Variants in KIF16B observed in about 807,000 individuals in gnomAD.
KIF16B encodes the protein kinesin-like protein KIF16B.
KIF16B carries 98 observed loss-of-function variants against 156.3 expected under a neutral mutation model. The observed-to-expected ratio is 0.63, with a 90% CI of 0.53 to 0.74. The LOEUF is 0.74. KIF16B is among the 30% of genes least tolerant of loss of function. The pLI is 0.00. For missense variants in KIF16B, 1,421 were observed against 1,606.5 expected, an observed-to-expected ratio of 0.88 and a Z score of 1.97; for synonymous variants, 564 against 583.7, an observed-to-expected ratio of 0.97 and a Z score of 0.49.
chr20:16,520,063 G>A (rs2069284356), intron 3 of KIF16B, among the ~76,000 whole-genome samples: 2 of 151,982 alleles, frequency 1.3e-5, no homozygotes, highest in Non-Finnish European at 2.9e-5. Context: ...ACACCACCAG[G>A]GTCCTGGGTT....
rs141333019 is a variant in KIF16B, at chr20:16,379,344, C to T, written c.2658G>A (p.Thr886=). The change falls in exon 19 of 26, where the codon ACG becomes ACA. Residue 886 remains threonine (T), a synonymous_variant. Transcript: ENST00000354981. ...TTTTCTCGAAATCTTGAGGCACTTC[C>T]GTGACATCTGTGACACTCTCATCAT... ...EKHDESVTDV[T]EVPQDFEKIK... The T allele has an allele frequency of 3.9e-5, 62 of 1,605,512 alleles. No individual in the cohort carries two copies. Among genetic ancestry groups the T allele is most frequent in the African/African-American group, 1.5e-4 (11 of 74,324 alleles).
chr20:16,444,230 T>C (rs972009278), intron 12 of KIF16B, among the ~76,000 whole-genome samples: 1 of 152,248 alleles, frequency 6.6e-6, no homozygotes, highest in African/African-American at 2.4e-5. Context: ...AGTGAAATAA[T>C]ATCCACATCA....
intron 1 of KIF16B, among the ~76,000 whole-genome samples, chr20:16,565,367 G>A (rs569912090): frequency 2.6e-5 from 4 of 152,070 alleles, no homozygotes; most frequent in African/African-American, 9.7e-5. Context: ...ACCTTCATGA[G>A]AGAATGAAAA....
At chr20:16,367,151 G>A in intron 22 of KIF16B, 1 of 1,593,250 alleles carries the variant, frequency 6.3e-7, no homozygotes, top group Non-Finnish European at 8.5e-7. Flanking sequence ...CCTCCTTAGA[G>A]TCTTGTCAAA....
intron 12 of KIF16B, among the ~76,000 whole-genome samples, chr20:16,459,015 T>C (rs1371203293): frequency 6.6e-6 from 1 of 152,238 alleles, no homozygotes; most frequent in Non-Finnish European, 1.5e-5. Context: ...CCAAGTCTTT[T>C]AGAACTTGCA....
intron 12 of KIF16B, among the ~76,000 whole-genome samples, chr20:16,475,722 C>A (rs1463140159): frequency 2.0e-5 from 3 of 152,104 alleles, no homozygotes; most frequent in African/African-American, 7.2e-5. Context: ...AATGATATTA[C>A]AAGAAAAGTC....
intron 15 of KIF16B, among the ~76,000 whole-genome samples, chr20:16,415,990 G>A (rs2066077316): frequency 6.6e-6 from 1 of 152,140 alleles, no homozygotes; most frequent in South Asian, 2.1e-4. Context: ...TTATTCATAT[G>A]TTTCTTGACT....
At chr20:16,295,730 T>C (rs1406373274) in intron 25 of KIF16B, among the ~76,000 whole-genome samples, 1 of 152,142 alleles carries the variant, frequency 6.6e-6, no homozygotes, top group Non-Finnish European at 1.5e-5. Context: ...TCATGGGCCA[T>C]CCATTTATTT....
chr20:16,528,525 T>A (rs1440040613), intron 1 of KIF16B, 85 bp from the exon 2 acceptor site: 2 of 1,021,048 alleles, frequency 2.0e-6, no homozygotes, highest in African/African-American at 3.2e-5. Flanking sequence ...TTTTATTTAC[T>A]TTTTACGTTA....
In KIF16B at chr20:16,515,755, T is replaced by G. The variant is rs191961756; in HGVS notation, c.232-91A>C. On this transcript the variant is annotated intron_variant, in intron 3 of 25. Coordinates refer to ENST00000354981, the MANE Select transcript of KIF16B (RefSeq NM_024704.5). ...GTTGACAATGTTCTTGAATGATACTTTCAGCTCTTAAGGATTAGACCATAT... is the reference window on the plus strand; with the variant it reads ...GTTGACAATGTTCTTGAATGATACTGTCAGCTCTTAAGGATTAGACCATAT... 341 of 717,292 alleles carry G rather than the reference T, an allele frequency of 4.8e-4. 3 individuals are homozygous for G. The East Asian group carries it at 8.1e-3, about 17-fold the overall frequency. 44.4% of individuals were successfully genotyped at this position (717,292 alleles called of 1,614,324 possible).
At chr20:16,400,787 A>G (rs1208109202) in intron 17 of KIF16B, among the ~76,000 whole-genome samples, 5 of 152,220 alleles carry the variant, frequency 3.3e-5, no homozygotes, top group Non-Finnish European at 5.9e-5. Flanking sequence ...CAGTGATTCT[A>G]CTTAAGTGGT....
At chr20:16,566,564 G>A (rs903685830) in intron 1 of KIF16B, among the ~76,000 whole-genome samples, 26 of 152,178 alleles carry the variant, frequency 1.7e-4, no homozygotes, top group Non-Finnish European at 2.9e-4. Flanking sequence ...AGCACTGTAC[G>A]AAATGCTACC....
intron 5 of KIF16B, among the ~76,000 whole-genome samples, chr20:16,512,159 G>A (rs2068975306): frequency 2.0e-5 from 3 of 151,404 alleles, no homozygotes; most frequent in Admixed American, 1.3e-4. Flanking sequence ...AAAAAAAAAA[G>A]GAAGGTACAT....
At chr20:16,497,516 A>G in intron 11 of KIF16B, 97 bp downstream of exon 11, 1 of 931,458 alleles carries the variant, frequency 1.1e-6, no homozygotes, top group East Asian at 2.6e-5. Flanking sequence ...GCAATAAAGA[A>G]AAAGAAGGCA....
chr20:16,557,325 G>T (rs138842582), intron 1 of KIF16B, among the ~76,000 whole-genome samples: 1 of 151,834 alleles, frequency 6.6e-6, no homozygotes, highest in African/African-American at 2.4e-5. Context: ...GATTACAGGC[G>T]CCTGCTACTA....
Position 16,332,953 on chromosome 20 carries a change from C to T in KIF16B, c.3711+2973G>A, listed in dbSNP as rs538591367. Among the ~76,000 whole-genome samples the T allele has an allele frequency of 4.1e-4, 63 of 152,254 alleles. 2 individuals carry two copies. In the South Asian group the frequency reaches 0.012, roughly 30 times the overall value. On this transcript the variant is annotated intron_variant, in intron 24 of 25. Transcript: ENST00000354981. The stretch of plus-strand genomic sequence containing the variant: ...GGATTTGAGCTCTCTAGCACCCCAA[C>T]CATCCATACTCGGTATGGCCATTAA...
intron 15 of KIF16B, among the ~76,000 whole-genome samples, chr20:16,410,840 T>C (rs928749310): frequency 6.6e-6 from 1 of 152,272 alleles, no homozygotes; most frequent in Admixed American, 6.5e-5. Flanking sequence ...CAATTTTACA[T>C]TTACGCATGC....
intron 23 of KIF16B, among the ~76,000 whole-genome samples, chr20:16,352,514 A>C (rs1327851067): frequency 1.3e-5 from 2 of 152,034 alleles, no homozygotes; most frequent in Non-Finnish European, 2.9e-5. Flanking sequence ...GCATCTGGGA[A>C]CCCCCGTTGA....
At position 16,379,174 on chromosome 20, in the gene KIF16B, T is replaced by A. The variant is rs1234099079; in HGVS notation, c.2828A>T (p.Tyr943Phe). ...TTCTTCCATTTCCTTTTCTACTTGA[T>A]AAAGAGTGTTGTCTAAGCTGAGAGG... The part of the protein sequence containing the change: ...RGPLSLDNTL[Y>F]QVEKEMEEKE... The change falls in exon 19 of 26, where the codon TAT becomes TTT. Residue 943 changes from tyrosine (Y) to phenylalanine (F), a missense_variant. Tyr to Phe is a conservative substitution (Grantham distance 22). Coordinates refer to ENST00000354981, the MANE Select transcript of KIF16B (RefSeq NM_024704.5). 1.2e-6 allele frequency: 2 copies of A among 1,614,080 alleles called. No individual in the cohort carries two copies. Among genetic ancestry groups the A allele is most frequent in the East Asian group, 4.5e-5 (2 of 44,896 alleles).
Sources: gnomAD v4.1 joint callset for allele counts (sites outside exome capture counted in the v4.1 genomes callset) on GRCh38, gnomAD v4.1.1 for gene constraint, MANE v1.5 for transcripts, NCBI Gene and HGNC (gene_info 2026-07-23, HGNC 2026-07-21) for gene names.